CRYL1: variants seen among roughly 807,000 people sequenced by gnomAD.
CRYL1 encodes lambda-crystallin homolog.
In CRYL1, 29 loss-of-function variants were observed where a neutral mutation model predicts 36.6. The ratio of observed to expected loss-of-function variants is 0.79; its 90% CI spans 0.59 to 1.08. The LOEUF (loss-of-function observed/expected upper bound fraction) is 1.08, where lower values mean the gene tolerates loss of function less well. CRYL1 is among the 50% of genes least tolerant of loss of function. The pLI is 0.00. For missense variants in CRYL1, 411 were observed against 407.9 expected, an observed-to-expected ratio of 1.01 and a Z score of -0.06; for synonymous variants, 152 against 151.5, an observed-to-expected ratio of 1.00 and a Z score of -0.02.
chr13:20,488,919 A>G (rs915831328), intron 3 of CRYL1, among the ~76,000 whole-genome samples: 1 of 152,244 alleles, frequency 6.6e-6, no homozygotes, highest in African/African-American at 2.4e-5. Flanking sequence ...TCTCTTTTTT[A>G]AAGTAAAGTT....
intron 3 of CRYL1, among the ~76,000 whole-genome samples, chr13:20,466,428 T>G (rs1437371335): frequency 6.6e-6 from 1 of 152,206 alleles, no homozygotes; most frequent in African/African-American, 2.4e-5. Flanking sequence ...TTTAAAGAGT[T>G]GTTATAAATC....
At chr13:20,405,732 G>A (rs2031352607) in intron 6 of CRYL1, among the ~76,000 whole-genome samples, 2 of 152,312 alleles carry the variant, frequency 1.3e-5, no homozygotes, top group South Asian at 4.1e-4. Flanking sequence ...AGAGGGCCCT[G>A]GGACTTTGGT....
At chr13:20,418,194 T>A (rs6490566) in intron 5 of CRYL1, among the ~76,000 whole-genome samples, 2 of 151,926 alleles carry the variant, frequency 1.3e-5, no homozygotes, top group African/African-American at 4.8e-5. Flanking sequence ...ACCAAATACC[T>A]TCCCAGCAAC....
In CRYL1 at chr13:20,524,244, G is replaced by A. The variant is rs1023379604; in HGVS notation, c.41+1510C>T. On this transcript the variant is annotated intron_variant, in intron 1 of 7. Transcript: ENST00000298248. Reference sequence around the variant, plus strand: ...TCCTATTAAAATTGTGTGTGTGTGCGCGTGCGCGCACGCATGCGTGTAAAA... The same window carrying A: ...TCCTATTAAAATTGTGTGTGTGTGCACGTGCGCGCACGCATGCGTGTAAAA... Among the ~76,000 whole-genome samples the A allele has an allele frequency of 6.6e-5, 10 of 152,162 alleles. 1 individual carries two copies. The highest frequency in any genetic ancestry group is 1.2e-4 in the Non-Finnish European group (8 of 68,006).
intron 6 of CRYL1, among the ~76,000 whole-genome samples, chr13:20,408,815 G>GAGAACTACAAACC (rs984608887): frequency 6.6e-6 from 1 of 151,994 alleles, no homozygotes; most frequent in Non-Finnish European, 1.5e-5. Context: ...CCTCTTCAAG[G>GAGAACTACAAACC]AGAACTACAA....
At chr13:20,453,235 TCAAA>T (rs901315555) in intron 3 of CRYL1, among the ~76,000 whole-genome samples, 1 of 152,018 alleles carries the variant, frequency 6.6e-6, no homozygotes, top group Non-Finnish European at 1.5e-5. Context: ...AGAATAGAAA[TCAAA>T]CAAAGTATGT....
At chr13:20,421,802 A>ATTTCC (rs2137376939) in intron 5 of CRYL1, among the ~76,000 whole-genome samples, 1 of 151,522 alleles carries the variant, frequency 6.6e-6, no homozygotes, top group South Asian at 2.1e-4. Flanking sequence ...TTATTTATTT[A>ATTTCC]TTTATTTATT....
At position 20,477,439 on chromosome 13, in the gene CRYL1, G is replaced by A. The variant is rs186662973; in HGVS notation, c.276+11931C>T. Among the ~76,000 whole-genome samples the A allele has an allele frequency of 1.8e-3, 277 of 151,046 alleles. 1 individual carries two copies. Among genetic ancestry groups the A allele is most frequent in the African/African-American group, 6.3e-3 (261 of 41,294 alleles). ...GTAAAACAATCAAAAATATTCCTGA[G>A]GTGTGCAGGCAACAATGATTGGGGT... On this transcript the variant is annotated intron_variant, in intron 3 of 7. Transcript: ENST00000298248.
chr13:20,421,198 T>C (rs2031803569), intron 5 of CRYL1, among the ~76,000 whole-genome samples: 1 of 152,098 alleles, frequency 6.6e-6, no homozygotes, highest in Non-Finnish European at 1.5e-5. Context: ...ATGATGCTTT[T>C]AGGGGGAAAA....
chr13:20,477,861 ATATAT>A (rs1324444035), intron 3 of CRYL1, among the ~76,000 whole-genome samples: 4 of 128,602 alleles, frequency 3.1e-5, no homozygotes, highest in Non-Finnish European at 6.4e-5. Context: ...ATAGTATAAT[ATATAT>A]TATATGATAA....
rs894599732 is a variant in CRYL1, at chr13:20,435,143, T to C, written c.439-2847A>G. ...AAGTTCCATGGATTGTTGGTGGTGG[T>C]GGCTGCACACCAGTGAGAATGTCCT... On this transcript the variant is annotated intron_variant, in intron 4 of 7. Coordinates refer to ENST00000298248, the MANE Select transcript of CRYL1 (RefSeq NM_015974.3). This position sits in a 1 kb window ranked among gnomAD's most constrained non-coding sequence, Gnocchi z 4.0. Among the ~76,000 whole-genome samples, 2 of 152,206 alleles carry C rather than the reference T, an allele frequency of 1.3e-5. No individual in the cohort carries two copies. Among genetic ancestry groups the C allele is most frequent in the African/African-American group, 4.8e-5 (2 of 41,448 alleles).
chr13:20,409,962 G>A (rs1041384312), intron 6 of CRYL1, among the ~76,000 whole-genome samples: 5 of 151,958 alleles, frequency 3.3e-5, no homozygotes, highest in Admixed American at 1.3e-4. Flanking sequence ...AACCATTGTG[G>A]AAGTCTGTGT....
Position 20,489,407 on chromosome 13 carries a change from T to C in CRYL1, c.239A>G (p.Asn80Ser), listed in dbSNP as rs2033465734. The change falls in exon 3 of 8, where the codon AAT (asparagine) becomes AGT (serine). Residue 80 changes from asparagine (N) to serine (S), a missense_variant. Transcript: ENST00000298248. ...EQLSLISGCP[N>S]IQEAVEGAMH... ...GGCACCCTCTACTGCTTCTTGGATA[T>C]TGGGACAACCACTGATGAGTGACAG... 2 of 1,613,634 alleles carry C rather than the reference T, an allele frequency of 1.2e-6. No homozygotes were observed. Among genetic ancestry groups the C allele is most frequent in the Non-Finnish European group, 1.7e-6 (2 of 1,180,034 alleles).
At chr13:20,420,822 G>A (rs997428189) in intron 5 of CRYL1, among the ~76,000 whole-genome samples, 146 of 149,434 alleles carry the variant, frequency 9.8e-4, no homozygotes, top group African/African-American at 3.6e-3. Context: ...TGCGACCTCC[G>A]CCTCCTGGGT....
intron 6 of CRYL1, among the ~76,000 whole-genome samples, chr13:20,409,197 A>T (rs1228995987): frequency 6.6e-6 from 1 of 151,022 alleles, no homozygotes; most frequent in Non-Finnish European, 1.5e-5. Context: ...ATAATGCTGC[A>T]TATCTACAAC....
At chr13:20,521,526 CT>C (rs113407625) in intron 1 of CRYL1, among the ~76,000 whole-genome samples, 23 of 152,100 alleles carry the variant, frequency 1.5e-4, no homozygotes, top group African/African-American at 5.1e-4. Flanking sequence ...TCTTATTGGC[CT>C]TTTTTCCAAC....
At chr13:20,507,335 T>A (rs2033811053) in intron 2 of CRYL1, among the ~76,000 whole-genome samples, 1 of 152,212 alleles carries the variant, frequency 6.6e-6, no homozygotes, top group Non-Finnish European at 1.5e-5. Flanking sequence ...CTCTATTTGA[T>A]TATTGATTGT....
chr13:20,472,512 ATAT>A (rs1355073876), intron 3 of CRYL1, among the ~76,000 whole-genome samples: 2 of 152,046 alleles, frequency 1.3e-5, no homozygotes, highest in African/African-American at 4.8e-5. Flanking sequence ...GTGGTTTCTA[ATAT>A]TATCTCCATT....
chr13:20,465,540 CACTGCTGG>C (rs1345046027), intron 3 of CRYL1, among the ~76,000 whole-genome samples: 1 of 152,194 alleles, frequency 6.6e-6, no homozygotes, highest in Non-Finnish European at 1.5e-5. Context: ...TGGAAAGCGT[CACTGCTGG>C]CTCTTGGAGA....
Sources: gnomAD v4.1 joint callset for allele counts (sites outside exome capture counted in the v4.1 genomes callset) on GRCh38, gnomAD v4.1.1 for gene constraint, Gnocchi (gnomAD v3.1) non-coding constraint, MANE v1.5 for transcripts, NCBI Gene and HGNC (gene_info 2026-07-23, HGNC 2026-07-21) for gene names.